The following PCYOX1 variants were observed in gnomAD, a reference collection of about 807,000 sequenced individuals.
PCYOX1 encodes prenylcysteine oxidase 1, also known as prenylcysteine lyase.
A neutral mutation model predicts 46.4 loss-of-function variants in PCYOX1; 46 were observed. The ratio of observed to expected loss-of-function variants is 0.99; its 90% CI spans 0.78 to 1.27. The LOEUF is 1.27. Ranked by LOEUF, PCYOX1 falls within the 50% of genes most tolerant of loss-of-function variation. The probability of loss-of-function intolerance (pLI) is 0.00; values close to 1 mark genes in which losing one functional copy is unlikely to be tolerated. For missense variants in PCYOX1, 658 were observed against 628.3 expected, an observed-to-expected ratio of 1.05 and a Z score of -0.51; for synonymous variants, 220 against 231.8, an observed-to-expected ratio of 0.95 and a Z score of 0.46.
intron 3 of PCYOX1, 58 bp downstream of exon 3, chr2:70,261,444 T>C: frequency 8.6e-7 from 1 of 1,168,366 alleles, no homozygotes. Flanking sequence ...AAATTAAACT[T>C]GATGAACTTT....
In PCYOX1 at chr2:70,279,106, C is replaced by T. The variant is rs1394884420; in HGVS notation, c.*1714C>T. 6.6e-6 allele frequency: 1 copy of T among 151,986 alleles called. No homozygotes were observed. Among genetic ancestry groups the T allele is most frequent in the East Asian group, 1.9e-4 (1 of 5,186 alleles). 9.4% of individuals were successfully genotyped at this position (151,986 alleles called of 1,614,324 possible). ...GAGACCATCTTAAAAAAAAAAAATC[C>T]TTCCATTGAATAGAAACTTCAAAGT... On this transcript the variant is annotated 3_prime_UTR_variant, in exon 6 of 6. Coordinates refer to ENST00000433351, the MANE Select transcript of PCYOX1 (RefSeq NM_016297.4).
chr2:70,274,195 CTTTTT>C (rs397868949), intron 3 of PCYOX1, among the ~76,000 whole-genome samples: 3 of 115,944 alleles, frequency 2.6e-5, no homozygotes, highest in South Asian at 2.9e-4. Flanking sequence ...TTTACTTCTA[CTTTTT>C]TTTTTTTTTT....
chr2:70,263,961 C>CTTTT (rs768464001), intron 3 of PCYOX1, among the ~76,000 whole-genome samples: 17 of 112,288 alleles, frequency 1.5e-4, no homozygotes, highest in Non-Finnish European at 2.1e-4. Context: ...GCCCGGCCCT[C>CTTTT]TTTTTTTTTT....
chr2:70,267,237 C>T (rs562880730), intron 3 of PCYOX1, among the ~76,000 whole-genome samples: 12 of 150,636 alleles, frequency 8.0e-5, no homozygotes, highest in East Asian at 7.8e-4. Flanking sequence ...GATGGGCAGC[C>T]GGGCAGAGAC....
intron 2 of PCYOX1, among the ~76,000 whole-genome samples, chr2:70,259,956 C>T (rs1466537853): frequency 2.0e-5 from 3 of 152,134 alleles, no homozygotes; most frequent in Non-Finnish European, 1.5e-5. Flanking sequence ...GCTGGGATTA[C>T]AGGTGCCTGC....
Position 70,259,536 on chromosome 2 carries a change from C to A in PCYOX1, c.289C>A (p.Leu97Met). 6.2e-7 allele frequency: 1 copy of A among 1,613,992 alleles called. No homozygotes were observed. The change falls in exon 2 of 6, where the codon CTG becomes ATG. Residue 97 changes from leucine to methionine, a missense_variant. Coordinates refer to ENST00000433351, the MANE Select transcript of PCYOX1 (RefSeq NM_016297.4). ...AGGSVIHPLN[L>M]HMKRFVKDLG... The stretch of plus-strand genomic sequence containing the variant: ...AGGTTCTGTCATCCATCCTTTAAAT[C>A]TGCACATGAAACGTTTTGTCAAAGA...
intron 2 of PCYOX1, among the ~76,000 whole-genome samples, chr2:70,260,092 G>C (rs1056945857): frequency 2.6e-5 from 4 of 152,198 alleles, no homozygotes; most frequent in Non-Finnish European, 5.9e-5. Context: ...TGGGATTACA[G>C]GGGTGAGCCA....
rs774207031 is a variant in PCYOX1, at chr2:70,261,326, A to G, written c.434A>G (p.Tyr145Cys). The part of the protein sequence containing the change: ...IINVIKLVWR[Y>C]GFQSLRMHMW... The stretch of plus-strand genomic sequence containing the variant: ...AACGTGATTAAATTAGTTTGGCGCT[A>G]TGGATTTCAATCCCTCCGTATGCAC... Residue 145 changes from tyrosine to cysteine, a missense_variant, in exon 3 of 6, where the codon TAT becomes TGT. By Grantham distance (194) the Tyr-to-Cys change is radical. Transcript: ENST00000433351. 5.6e-6 allele frequency: 9 copies of G among 1,612,860 alleles called. No homozygotes were observed. In the South Asian group the frequency reaches 9.9e-5, roughly 18 times the overall value.
intron 3 of PCYOX1, among the ~76,000 whole-genome samples, chr2:70,274,568 CTT>C (rs201522757): frequency 2.1e-5 from 2 of 94,376 alleles, no homozygotes; most frequent in Admixed American, 1.1e-4. Context: ...TTTTTTTTTT[CTT>C]TTTTTTTTTT....
rs1053092149 is a variant in PCYOX1 at position 70,277,717 on chromosome 2, A to G, written c.*325A>G. 3 of 200,346 alleles carry G rather than the reference A, an allele frequency of 1.5e-5. No homozygotes were observed. Among genetic ancestry groups the G allele is most frequent in the Non-Finnish European group, 3.0e-5 (3 of 99,770 alleles). 12.4% of individuals were successfully genotyped at this position (200,346 alleles called of 1,614,324 possible). A position where few individuals can be genotyped will look rare whatever the true frequency, so the allele number is the denominator to read the frequency against. ...AATCTCACCATTGCACTTCAGCCTG[A>G]GCAACACGAGCAAAACTCCGTCTCA... On this transcript the variant is annotated 3_prime_UTR_variant, in exon 6 of 6. Transcript: ENST00000433351.
intron 5 of PCYOX1, among the ~76,000 whole-genome samples, chr2:70,276,528 A>G (rs1282109540): frequency 6.6e-6 from 1 of 152,200 alleles, no homozygotes; most frequent in Non-Finnish European, 1.5e-5. Context: ...TACCTTCAAA[A>G]GTAAAAATTC....
rs28372795 is a variant in PCYOX1, at chr2:70,260,917, C to T, written c.320-295C>T. Among the ~76,000 whole-genome samples, 20 of 152,262 alleles carry T rather than the reference C, an allele frequency of 1.3e-4. No homozygotes were observed. The East Asian group carries it at 3.7e-3, about 28-fold the overall frequency. On this transcript the variant is annotated intron_variant, in intron 2 of 5. Coordinates refer to ENST00000433351, the MANE Select transcript of PCYOX1 (RefSeq NM_016297.4). ...GTTTTTAAATTGAATTCAGTTGGTA[C>T]TCTGGCTTTTTTCCTTTGACTATCC... is the stretch of plus-strand genomic sequence containing the variant.
intron 3 of PCYOX1, 86 bp from the exon 4 acceptor site, chr2:70,274,869 TTTGA>T: frequency 5.8e-6 from 5 of 859,232 alleles, no homozygotes; most frequent in Non-Finnish European, 9.9e-6. Context: ...TAGATGTCAG[TTTGA>T]TTCTTATGAC....
chr2:70,266,356 G>T (rs779415883), intron 3 of PCYOX1, among the ~76,000 whole-genome samples: 1 of 152,076 alleles, frequency 6.6e-6, no homozygotes, highest in Non-Finnish European at 1.5e-5. Flanking sequence ...GGAAAAGACA[G>T]TCTTCCCTCA....
chr2:70,266,949 A>C (rs1049886958), intron 3 of PCYOX1, among the ~76,000 whole-genome samples: 13 of 151,768 alleles, frequency 8.6e-5, no homozygotes, highest in Non-Finnish European at 1.3e-4. Flanking sequence ...TGCCATCGTC[A>C]TCATGGCCCG....
Position 70,277,229 on chromosome 2 carries a change from A to G in PCYOX1, c.1355A>G (p.Asp452Gly). 6.2e-7 allele frequency: 1 copy of G among 1,614,128 alleles called. No homozygotes were observed. Residue 452 changes from aspartate to glycine, a missense_variant, in exon 6 of 6, where the codon GAT becomes GGT. Asp to Gly is a moderately conservative substitution (Grantham distance 94, BLOSUM62 -1). Transcript: ENST00000433351. ...PEKCPSIILH[D>G]RLYYLNGIEC... Reference sequence around the variant, plus strand: ...AAATGCCCCTCTATCATTCTCCATGATCGACTTTATTACCTCAATGGCATA... The same window carrying G: ...AAATGCCCCTCTATCATTCTCCATGGTCGACTTTATTACCTCAATGGCATA...
intron 1 of PCYOX1, 51 bp downstream of exon 1, chr2:70,258,327 G>C (rs888642252): frequency 1.1e-5 from 14 of 1,283,150 alleles, no homozygotes; most frequent in Admixed American, 7.7e-5. Context: ...GCCCCGCGCC[G>C]GGCGGCCGCT....
At position 70,279,423 on chromosome 2, in the gene PCYOX1, A is replaced by G. The variant is rs1386649316; in HGVS notation, c.*2031A>G. The G allele has an allele frequency of 6.6e-6, 1 of 152,226 alleles. No individual in the cohort carries two copies. Among genetic ancestry groups the G allele is most frequent in the Non-Finnish European group, 1.5e-5 (1 of 68,036 alleles). The allele number at this position is 152,226 out of a possible 1,614,324, so 9.4% of individuals were successfully genotyped here. A position where few individuals can be genotyped will look rare whatever the true frequency, so the allele number is the denominator to read the frequency against. ...TATATGCTAAATGTTGGTAAATACT[A>G]ATTAATTTCCATCATTTGTAGACTT... On this transcript the variant is annotated 3_prime_UTR_variant, in exon 6 of 6. Transcript: ENST00000433351.
At position 70,277,299 on chromosome 2, in the gene PCYOX1, C is replaced by T; in HGVS notation, c.1425C>T (p.His475=). 6.2e-7 allele frequency: 1 copy of T among 1,613,494 alleles called. No individual in the cohort carries two copies. Among genetic ancestry groups the T allele is most frequent in the South Asian group, 1.1e-5 (1 of 91,074 alleles). ...TGGAGATGAGTGCCATTGCAGCCCA[C>T]AACGCTGCACTCCTTGCCTATCACC... ...SAMEMSAIAA[H]NAALLAYHRW... The change falls in exon 6 of 6, where the codon CAC becomes CAT. Residue 475 remains histidine (H), a synonymous_variant. Coordinates refer to ENST00000433351, the MANE Select transcript of PCYOX1 (RefSeq NM_016297.4).
Sources: gnomAD v4.1 joint callset for allele counts (sites outside exome capture counted in the v4.1 genomes callset) on GRCh38, gnomAD v4.1.1 for gene constraint, MANE v1.5 for transcripts, NCBI Gene and HGNC (gene_info 2026-07-23, HGNC 2026-07-21) for gene names.